The following RASAL2 variants were observed in gnomAD, a reference collection of about 807,000 sequenced individuals.
RASAL2 encodes RAS protein activator like 2, also known as ras GTPase-activating protein nGAP.
A neutral mutation model predicts 128.9 loss-of-function variants in RASAL2; 58 were observed. That is an observed-to-expected ratio of 0.45 (90% CI 0.36 to 0.56). The LOEUF (loss-of-function observed/expected upper bound fraction) is 0.56, where lower values mean the gene tolerates loss of function less well. Ranked by LOEUF, RASAL2 falls within the 20% of genes least tolerant of loss-of-function variation. The probability of loss-of-function intolerance (pLI) is 0.00; values close to 1 mark genes in which losing one functional copy is unlikely to be tolerated. For synonymous variants in RASAL2, 561 were observed against 580.8 expected (o/e 0.97, Z 0.49); for missense variants, 1,360 against 1,601.6 (o/e 0.85, Z 2.57).
intron 3 of RASAL2, among the ~76,000 whole-genome samples, chr1:178,344,403 G>A (rs1670040603): frequency 6.6e-6 from 1 of 152,158 alleles, no homozygotes; most frequent in African/African-American, 2.4e-5. Flanking sequence ...TAGGGGCCAG[G>A]AGCAGGGACT....
intron 3 of RASAL2, among the ~76,000 whole-genome samples, chr1:178,333,497 G>A (rs927098101): frequency 5.3e-5 from 8 of 151,274 alleles, no homozygotes; most frequent in Non-Finnish European, 1.2e-4. Context: ...TAAACTTTTG[G>A]GAGTTATTTA....
At chr1:178,288,485 G>A (rs968777870) in intron 2 of RASAL2, among the ~76,000 whole-genome samples, 2 of 151,536 alleles carry the variant, frequency 1.3e-5, no homozygotes, top group African/African-American at 4.8e-5. Context: ...TGATTGAGCT[G>A]TCCACTGTGG....
At chr1:178,277,439 G>A (rs1368097918) in intron 1 of RASAL2, among the ~76,000 whole-genome samples, 4 of 152,114 alleles carry the variant, frequency 2.6e-5, no homozygotes, top group African/African-American at 7.2e-5. Context: ...GATTATAGGC[G>A]TGAGCCACCG....
At chr1:178,295,940 A>T (rs1323795762) in intron 2 of RASAL2, among the ~76,000 whole-genome samples, 1 of 152,152 alleles carries the variant, frequency 6.6e-6, no homozygotes, top group Non-Finnish European at 1.5e-5. Context: ...CCTGTACTTG[A>T]CTATCTGTTT....
chr1:178,243,088 A>G (rs1664591898), intron 1 of RASAL2, among the ~76,000 whole-genome samples: 1 of 152,152 alleles, frequency 6.6e-6, no homozygotes, highest in East Asian at 1.9e-4. Context: ...TTATTATGCT[A>G]GGGAACTCTG....
intron 10 of RASAL2, 39 bp from the exon 11 acceptor site, chr1:178,452,377 T>A (rs751125932): frequency 8.4e-6 from 13 of 1,549,438 alleles, no homozygotes; most frequent in Non-Finnish European, 1.2e-5. Context: ...TACTGGTACT[T>A]CTGTGTTTAG....
intron 6 of RASAL2, among the ~76,000 whole-genome samples, chr1:178,439,948 G>A (rs1302858565): frequency 6.9e-6 from 1 of 144,394 alleles, no homozygotes. Flanking sequence ...CAAGATCTGA[G>A]ACCATGTTTT....
chr1:178,428,155 T>C (rs1675646993), intron 5 of RASAL2, among the ~76,000 whole-genome samples: 1 of 152,054 alleles, frequency 6.6e-6, no homozygotes, highest in Admixed American at 6.6e-5. Flanking sequence ...ATGGATGTAC[T>C]ACGGTTTGTT....
chr1:178,307,349 A>G (rs1279254548), intron 3 of RASAL2, among the ~76,000 whole-genome samples: 1 of 152,172 alleles, frequency 6.6e-6, no homozygotes, highest in Non-Finnish European at 1.5e-5. Flanking sequence ...TAAAGTACCC[A>G]CTTCCAGATT....
intron 1 of RASAL2, among the ~76,000 whole-genome samples, chr1:178,173,959 C>T (rs1314622550): frequency 6.6e-6 from 1 of 151,508 alleles, no homozygotes; most frequent in African/African-American, 2.4e-5. Flanking sequence ...TTAATTCCCC[C>T]CTCCCCACTA....
chr1:178,375,022 G>A (rs534927155), intron 3 of RASAL2, among the ~76,000 whole-genome samples: 5 of 152,192 alleles, frequency 3.3e-5, no homozygotes, highest in East Asian at 1.9e-4. Context: ...TAATTCAGAC[G>A]ACAGTGGAGA....
At chr1:178,354,707 G>T (rs575787297) in intron 3 of RASAL2, among the ~76,000 whole-genome samples, 168 of 152,234 alleles carry the variant, frequency 1.1e-3, no homozygotes, top group African/African-American at 3.9e-3. Flanking sequence ...TTGAGATACT[G>T]TTTACAATAA....
rs1451844976 is a variant in RASAL2 at position 178,451,464 on chromosome 1, GA to G, written c.1628-103del. ...TTTTGTGCCCTCCCTGTCAGATCTA[GA>G]AAAGAATTCCCCATTATACGTTTTA... On this transcript the variant is annotated intron_variant, in intron 9 of 17. Coordinates refer to ENST00000367649, the MANE Select transcript of RASAL2 (RefSeq NM_170692.4). 36 of 1,245,052 alleles carry G rather than the reference GA, an allele frequency of 2.9e-5. No homozygotes were observed. In the East Asian group the frequency reaches 8.8e-4, roughly 30 times the overall value. The allele number at this position is 1,245,052 out of a possible 1,614,324, so 77.1% of individuals were successfully genotyped here. A position where few individuals can be genotyped will look rare whatever the true frequency, so the allele number is the denominator to read the frequency against.
intron 1 of RASAL2, 149 bp downstream of exon 1, chr1:178,094,843 C>T (rs1409380040): frequency 1.3e-5 from 13 of 963,632 alleles, no homozygotes; most frequent in Non-Finnish European, 1.8e-5. Flanking sequence ...GCATTTCTGA[C>T]AAGTTTCTTC....
intron 9 of RASAL2, among the ~76,000 whole-genome samples, chr1:178,445,992 A>G (rs1294599620): frequency 6.6e-6 from 1 of 152,158 alleles, no homozygotes; most frequent in Admixed American, 6.5e-5. Flanking sequence ...ATATGATGAT[A>G]TTATTACCTA....
intron 17 of RASAL2, chr1:178,470,596 C>G (rs770487988): frequency 2.8e-5 from 28 of 988,044 alleles, no homozygotes; most frequent in Non-Finnish European, 4.0e-5. Flanking sequence ...CTCTATGTGA[C>G]TCAGGTGGAG....
intron 3 of RASAL2, among the ~76,000 whole-genome samples, chr1:178,306,753 T>C (rs1251615887): frequency 6.6e-6 from 1 of 151,806 alleles, no homozygotes; most frequent in Admixed American, 6.6e-5. Context: ...TTGTTTGTTT[T>C]CTTCTTGTAA....
At chr1:178,301,154 C>T (rs919774971) in intron 3 of RASAL2, among the ~76,000 whole-genome samples, 1 of 152,106 alleles carries the variant, frequency 6.6e-6, no homozygotes, top group Non-Finnish European at 1.5e-5. Flanking sequence ...ATAGTTGTTG[C>T]TTTCCTAGAA....
chr1:178,187,744 G>A (rs1201500229), intron 1 of RASAL2, among the ~76,000 whole-genome samples: 1 of 152,032 alleles, frequency 6.6e-6, no homozygotes, highest in Non-Finnish European at 1.5e-5. Flanking sequence ...AGCTTTATTA[G>A]GGTGGATCTG....
Sources: gnomAD v4.1 joint callset for allele counts (sites outside exome capture counted in the v4.1 genomes callset) on GRCh38, gnomAD v4.1.1 for gene constraint, MANE v1.5 for transcripts, NCBI Gene and HGNC (gene_info 2026-07-23, HGNC 2026-07-21) for gene names.